The following SMG1 variants were observed in gnomAD, a reference collection of about 807,000 sequenced individuals.
SMG1 encodes the protein serine/threonine-protein kinase SMG1.
In SMG1, 22 loss-of-function variants were observed where a neutral mutation model predicts 419.9. The observed-to-expected ratio is 0.05, with a 90% CI of 0.04 to 0.07. The LOEUF (loss-of-function observed/expected upper bound fraction) is 0.07, where lower values mean the gene tolerates loss of function less well. Among genes scored for constraint, SMG1 ranks in the 10% least tolerant of loss-of-function variants. The pLI, the probability that SMG1 is intolerant of heterozygous loss-of-function variation, is 1.00. For synonymous variants in SMG1, 1,538 were observed against 1,553.5 expected, an observed-to-expected ratio of 0.99 and a Z score of 0.23; for missense variants, 3,185 against 4,342.0, an observed-to-expected ratio of 0.73 and a Z score of 7.49.
Position 18,848,046 on chromosome 16 carries a change from AG to A in SMG1, c.5624-14del. On this transcript the variant is annotated splice_polypyrimidine_tract_variant and intron_variant, in intron 36 of 62. Transcript: ENST00000446231. ...GAAAATTTATTTCCTGTAATGAAATAGGAGAACAAGGAATATTTTGAACATT... is the reference window on the plus strand; with the variant it reads ...GAAAATTTATTTCCTGTAATGAAATAGAGAACAAGGAATATTTTGAACATT... 1 of 1,595,074 alleles carries A rather than the reference AG, an allele frequency of 6.3e-7. No individual in the cohort carries two copies. The highest frequency in any genetic ancestry group is 8.6e-7 in the Non-Finnish European group (1 of 1,163,970).
chr16:18,901,692 T>G (rs9939711), intron 1 of SMG1, among the ~76,000 whole-genome samples: 10,618 of 152,170 alleles, frequency 0.07, 376 homozygotes, highest in African/African-American at 0.094. Context: ...AAGAGGGTCC[T>G]GGCCAGAAGC....
chr16:18,873,687 C>CCT (rs552487298), intron 13 of SMG1, among the ~76,000 whole-genome samples: 156 of 152,308 alleles, frequency 1.0e-3, no homozygotes, highest in Middle Eastern at 3.4e-3. Flanking sequence ...TAAACAAAGC[C>CCT]CTCTGTATGT....
At chr16:18,847,639 T>C (rs768813325) in intron 37 of SMG1, 32 bp from the exon 38 acceptor site, 1 of 1,613,302 alleles carries the variant, frequency 6.2e-7, no homozygotes, top group South Asian at 1.1e-5. Context: ...ATAGCTCATC[T>C]ACAAGCCTAT....
At position 18,870,705 on chromosome 16, in the gene SMG1, G is replaced by C; in HGVS notation, c.2397C>G (p.Val799=). The part of the protein sequence containing the change: ...SLPDDLLQRC[V]DVCRVQLVHS... ...GCACTAGTTGAACACGGCAAACATC[G>C]ACACATCTATGAAAGAACGAAATAG... The change falls in exon 18 of 63, where the codon GTC becomes GTG. Residue 799 remains valine, a synonymous_variant. Coordinates refer to ENST00000446231, the MANE Select transcript of SMG1 (RefSeq NM_015092.5). 6 of 1,607,266 alleles carry C rather than the reference G, an allele frequency of 3.7e-6. No homozygotes were observed. Among genetic ancestry groups the C allele is most frequent in the East Asian group, 2.2e-5 (1 of 44,840 alleles).
intron 1 of SMG1, among the ~76,000 whole-genome samples, chr16:18,902,419 T>C (rs2037383580): frequency 1.3e-5 from 2 of 152,072 alleles, no homozygotes; most frequent in South Asian, 4.2e-4. Flanking sequence ...AAGAGTCGTC[T>C]TGGCCAGGCA....
In SMG1 at chr16:18,838,026, T is replaced by C. The variant is rs561552420; in HGVS notation, c.7401A>G (p.Val2467=). The C allele has an allele frequency of 4.3e-6, 7 of 1,613,958 alleles. No individual in the cohort carries two copies. In the East Asian group the frequency reaches 1.3e-4, roughly 31 times the overall value. The change falls in exon 45 of 63, where the codon GTA becomes GTG. Residue 2467 remains valine, a synonymous_variant. Transcript: ENST00000446231. ...CACTGGGCTTCACCTTAATCTCAGC[T>C]ACTCTAGAAGAAAACAGGCTGCGGG... is the stretch of plus-strand genomic sequence containing the variant. ...EITRSLFSSR[V]AEIKVNWFKN...
At chr16:18,913,293 C>A (rs1387138290) in intron 1 of SMG1, among the ~76,000 whole-genome samples, 1 of 152,064 alleles carries the variant, frequency 6.6e-6, no homozygotes, top group Admixed American at 6.6e-5. Context: ...CAGGGACACC[C>A]TCAAGAGGCT....
chr16:18,819,776 A>C, intron 55 of SMG1, 122 bp from the exon 56 acceptor site: 1 of 1,029,198 alleles, frequency 9.7e-7, no homozygotes, highest in Non-Finnish European at 1.3e-6. Context: ...TAATTTAGAA[A>C]ACAAAAGTTT....
intron 10 of SMG1, among the ~76,000 whole-genome samples, chr16:18,881,191 T>A (rs2036379714): frequency 6.6e-6 from 1 of 151,320 alleles, no homozygotes; most frequent in South Asian, 2.1e-4. Context: ...GCCTAAAAGA[T>A]CCTCATAAAT....
rs760033068 is a variant in SMG1 at position 18,870,763 on chromosome 16, T to C, written c.2390+38A>G. The C allele has an allele frequency of 2.0e-6, 3 of 1,505,030 alleles. No homozygotes were observed. The African/African-American group carries it at 4.1e-5, about 21-fold the overall frequency. The allele number at this position is 1,505,030 out of a possible 1,614,324, so 93.2% of individuals were successfully genotyped here. ...AGGTGTGTTAACATTTCCAGGTTAT[T>C]AGGGTTAATGTCAAAAGACATGATC... On this transcript the variant is annotated intron_variant, in intron 17 of 62. Transcript: ENST00000446231.
At position 18,871,418 on chromosome 16, in the gene SMG1, G is replaced by A. The variant is rs2035815241; in HGVS notation, c.2248C>T (p.Pro750Ser). ...TGGAAAGACGGAAGAGAGAATAAAG[G>A]TGCGTATGTTTCAGACTTCTTCATT... Reference protein sequence around the residue: ...VLMKKSETYAPLFSLPSFHKF... With the variant: ...VLMKKSETYASLFSLPSFHKF... Residue 750 changes from proline (P) to serine (S), a missense_variant, in exon 16 of 63, where the codon CCT (proline) becomes TCT (serine). This residue lies in a region of SMG1 where 297 missense variants were observed against 491.0 expected (regional missense o/e 0.60). Coordinates refer to ENST00000446231, the MANE Select transcript of SMG1 (RefSeq NM_015092.5). 1 of 1,603,474 alleles carries A rather than the reference G, an allele frequency of 6.2e-7. No homozygotes were observed. The highest frequency in any genetic ancestry group is 8.5e-7 in the Non-Finnish European group (1 of 1,177,484).
chr16:18,920,907 G>A (rs1034886142), intron 1 of SMG1, among the ~76,000 whole-genome samples: 2 of 152,068 alleles, frequency 1.3e-5, no homozygotes, highest in Non-Finnish European at 2.9e-5. Context: ...GGAGGCCGAA[G>A]CCGGTGGATC....
At chr16:18,857,892 T>C (rs1367955194) in intron 29 of SMG1, 74 of 212,440 alleles carry the variant, frequency 3.5e-4, no homozygotes, top group Non-Finnish European at 9.5e-6. Context: ...TTGTTATGAT[T>C]TCACGTACAT....
intron 54 of SMG1, 76 bp from the exon 55 acceptor site, chr16:18,828,244 C>A (rs1190005453): frequency 1.4e-6 from 2 of 1,435,538 alleles, no homozygotes; most frequent in South Asian, 2.6e-5. Flanking sequence ...GGAGGCGCAA[C>A]CTAGGACTGG....
intron 39 of SMG1, among the ~76,000 whole-genome samples, chr16:18,843,094 G>A (rs767571363): frequency 6.6e-5 from 10 of 152,170 alleles, no homozygotes; most frequent in Non-Finnish European, 1.2e-4. Context: ...CCAATGTTGA[G>A]CTATGTATGC....
intron 27 of SMG1, 111 bp from the exon 28 acceptor site, chr16:18,859,292 T>A: frequency 4.0e-6 from 3 of 744,768 alleles, no homozygotes; most frequent in African/African-American, 1.7e-5. Context: ...TAGGGGGCAG[T>A]AAGAGGAGCA....
chr16:18,887,271 G>A (rs2036649942), intron 6 of SMG1, among the ~76,000 whole-genome samples: 1 of 152,090 alleles, frequency 6.6e-6, no homozygotes, highest in African/African-American at 2.4e-5. Context: ...CCGAGCTGGT[G>A]GCATTCTGTT....
chr16:18,888,939 C>A (rs2036759591), intron 6 of SMG1, among the ~76,000 whole-genome samples: 2 of 151,100 alleles, frequency 1.3e-5, no homozygotes, highest in African/African-American at 4.9e-5. Context: ...TCTCCTGCCT[C>A]AGTCTCCCAA....
In SMG1 at chr16:18,829,325, T is replaced by C; in HGVS notation, c.9564A>G (p.Thr3188=). ...TATGCAGCTGAACCCGCTGCAGGCT[T>C]GTCTTACAAGAAGAAATACTGGTTT... ...RLETSISSCK[T]SLQRVQLHIA... The change falls in exon 54 of 63, where the codon ACA becomes ACG. Residue 3188 remains threonine (T), a synonymous_variant. Coordinates refer to ENST00000446231, the MANE Select transcript of SMG1 (RefSeq NM_015092.5). 6.2e-7 allele frequency: 1 copy of C among 1,613,920 alleles called. No homozygotes were observed. The highest frequency in any genetic ancestry group is 1.1e-5 in the South Asian group (1 of 91,086).
Sources: gnomAD v4.1 joint callset for allele counts (sites outside exome capture counted in the v4.1 genomes callset) on GRCh38, gnomAD v4.1.1 for gene constraint, gnomAD v4.1.1 regional missense constraint, MANE v1.5 for transcripts, NCBI Gene and HGNC (gene_info 2026-07-23, HGNC 2026-07-21) for gene names.